Variants in IL17RC observed in about 807,000 individuals in gnomAD.
IL17RC encodes interleukin 17 receptor C.
Under a neutral mutation model 86.7 loss-of-function variants are expected in IL17RC, and 53 were observed. That is an observed-to-expected ratio of 0.61 (90% CI 0.49 to 0.77). IL17RC has a LOEUF of 0.77. Ranked by LOEUF, IL17RC falls within the 30% of genes least tolerant of loss-of-function variation. The pLI, the probability that IL17RC is intolerant of heterozygous loss-of-function variation, is 0.00. For missense variants in IL17RC, 957 were observed against 940.0 expected, an observed-to-expected ratio of 1.02 and a Z score of -0.24; for synonymous variants, 439 against 413.1, an observed-to-expected ratio of 1.06 and a Z score of -0.76.
intron 5 of IL17RC, among the ~76,000 whole-genome samples, chr3:9,918,829 C>T (rs2083316250): frequency 6.6e-6 from 1 of 152,054 alleles, no homozygotes; most frequent in South Asian, 2.1e-4. Flanking sequence ...TGGGCAAGTC[C>T]CTTCAGCCTG....
At chr3:9,929,728 C>A in intron 12 of IL17RC, 124 bp from the exon 13 acceptor site, 1 of 967,178 alleles carries the variant, frequency 1.0e-6, no homozygotes, top group Non-Finnish European at 1.7e-6. Flanking sequence ...TCCACATCTG[C>A]CTCAGGTCAG....
At chr3:9,920,814 G>T in intron 6 of IL17RC, 111 bp from the exon 7 acceptor site, 1 of 836,282 alleles carries the variant, frequency 1.2e-6, no homozygotes, top group East Asian at 2.6e-5. Context: ...GATGTGGGTG[G>T]TATGTAGGGG....
At chr3:9,927,374 A>G (rs900284499) in intron 9 of IL17RC, among the ~76,000 whole-genome samples, 1 of 150,076 alleles carries the variant, frequency 6.7e-6, no homozygotes, top group African/African-American at 2.5e-5. Context: ...CTGGCCTAAC[A>G]TAGTGAAACC....
intron 12 of IL17RC, 53 bp downstream of exon 12, chr3:9,928,683 C>CTTGG: frequency 6.3e-7 from 1 of 1,582,338 alleles, no homozygotes; most frequent in Non-Finnish European, 8.7e-7. Context: ...GGCAGACCCC[C>CTTGG]CAGCCAAGGG....
intron 9 of IL17RC, among the ~76,000 whole-genome samples, chr3:9,926,138 A>G (rs1165127076): frequency 6.8e-6 from 1 of 146,384 alleles, no homozygotes; most frequent in Non-Finnish European, 1.5e-5. Context: ...GGTTCAAGCC[A>G]TTCTCCTGCC....
In IL17RC at chr3:9,932,659, C is replaced by G; in HGVS notation, c.1439C>G (p.Ala480Gly). 6.2e-7 allele frequency: 1 copy of G among 1,614,252 alleles called. No homozygotes were observed. Among genetic ancestry groups the G allele is most frequent in the Middle Eastern group, 1.6e-4 (1 of 6,062 alleles). ...LVWLACLLFA[A>G]ALSLILLLKK... ...TGGCTGGCCTGCCTACTCTTTGCCG[C>G]TGCGCTTTCCCTCATCCTCCTTCTC... Residue 480 changes from alanine to glycine, a missense_variant, in exon 17 of 19, where the codon GCT becomes GGT. Coordinates refer to ENST00000403601, the MANE Select transcript of IL17RC (RefSeq NM_153460.4).
At chr3:9,917,821 C>A in intron 2 of IL17RC, 87 bp downstream of exon 2, 2 of 1,606,456 alleles carry the variant, frequency 1.2e-6, no homozygotes, top group Non-Finnish European at 1.7e-6. Flanking sequence ...ATGCCCACCT[C>A]AGCCTAGGAC....
intron 9 of IL17RC, 119 bp from the exon 10 acceptor site, chr3:9,928,047 A>T: frequency 1.1e-6 from 1 of 927,342 alleles, no homozygotes; most frequent in Non-Finnish European, 1.7e-6. Flanking sequence ...TGTAAAAGGC[A>T]GGAAGACCCA....
At position 9,930,108 on chromosome 3, in the gene IL17RC, G is replaced by GA; in HGVS notation, c.1239dup (p.Pro414ThrfsTer38). The GA allele has an allele frequency of 6.2e-7, 1 of 1,614,094 alleles. No individual in the cohort carries two copies. The highest frequency in any genetic ancestry group is 8.5e-7 in the Non-Finnish European group (1 of 1,180,008). On this transcript the variant is annotated frameshift_variant, in exon 14 of 19. Transcript: ENST00000403601. LOFTEE classifies it high-confidence loss of function. The surrounding 1 kb of genome is among the most constrained non-coding windows in gnomAD (Gnocchi z 5.8). ...GGACAACAGATCCCTCTGTGCCTTG[G>GA]AACCCAGTGGCTGTACTTCACTACC...
rs1238568949 is a variant in IL17RC at position 9,930,931 on chromosome 3, C to G, written c.1375C>G (p.Pro459Ala). The change falls in exon 16 of 19, where the codon CCC becomes GCC. Residue 459 changes from proline to alanine, a missense_variant. Transcript: ENST00000403601. The surrounding 1 kb of genome is among the most constrained non-coding windows in gnomAD (Gnocchi z 5.8). ...TGACTTGGGAGCGCTATGGGCCTGC[C>G]CCATGGACAAATGTGAGTATTGTAA... is the stretch of plus-strand genomic sequence containing the variant. ...DDDLGALWAC[P>A]MDKYIHKRWA... 1 of 1,613,894 alleles carries G rather than the reference C, an allele frequency of 6.2e-7. No individual in the cohort carries two copies. The highest frequency in any genetic ancestry group is 8.5e-7 in the Non-Finnish European group (1 of 1,179,824).
rs2084558164 is a variant in IL17RC, at chr3:9,930,559, C to T, written c.1338+100C>T. 8.2e-7 allele frequency: 1 copy of T among 1,225,500 alleles called. No homozygotes were observed. 75.9% of individuals were successfully genotyped at this position (1,225,500 alleles called of 1,614,324 possible). A position where few individuals can be genotyped will look rare whatever the true frequency, so the allele number is the denominator to read the frequency against. On this transcript the variant is annotated intron_variant, in intron 15 of 18. Transcript: ENST00000403601. The surrounding 1 kb of genome is among the most constrained non-coding windows in gnomAD (Gnocchi z 5.8). ...TATTTAGGCTTATTTTATGTTCAGC[C>T]CTGGGAAAGTTAAGAGTAGAAGAAG...
At chr3:9,926,916 A>G (rs900020762) in intron 9 of IL17RC, among the ~76,000 whole-genome samples, 5 of 151,984 alleles carry the variant, frequency 3.3e-5, no homozygotes, top group Admixed American at 6.6e-5. Context: ...CACCGCGCCC[A>G]GCCTTGTTTT....
At chr3:9,927,739 G>A (rs1028308496) in intron 9 of IL17RC, among the ~76,000 whole-genome samples, 2 of 152,050 alleles carry the variant, frequency 1.3e-5, no homozygotes, top group Non-Finnish European at 2.9e-5. Context: ...TCAGGAGTTC[G>A]AGACCAGCCT....
intron 16 of IL17RC, 88 bp from the exon 17 acceptor site, chr3:9,932,520 G>C (rs112921255): frequency 0.029 from 35,769 of 1,245,314 alleles, 1,323 homozygotes; most frequent in African/African-American, 0.17. Context: ...ATGAGCCACC[G>C]CACCCGGCCC....
chr3:9,920,711 C>A, intron 6 of IL17RC, 109 bp downstream of exon 6: 1 of 828,926 alleles, frequency 1.2e-6, no homozygotes, highest in Non-Finnish European at 2.0e-6. Flanking sequence ...GGGGTCTGAG[C>A]TGCTATCCTC....
intron 6 of IL17RC, 147 bp from the exon 7 acceptor site, chr3:9,920,778 G>C (rs1276395432): frequency 2.1e-5 from 16 of 771,464 alleles, no homozygotes; most frequent in Non-Finnish European, 3.5e-5. Context: ...TCCAGCCCCT[G>C]GGGAAGGTTC....
intron 6 of IL17RC, 98 bp from the exon 7 acceptor site, chr3:9,920,827 G>T: frequency 1.1e-6 from 1 of 915,994 alleles, no homozygotes; most frequent in East Asian, 2.5e-5. Flanking sequence ...TGTAGGGGAT[G>T]GGGAGCCATT....
chr3:9,931,470 C>CACACACACACACACACATAT (rs750351615), intron 16 of IL17RC, among the ~76,000 whole-genome samples: 5 of 43,744 alleles, frequency 1.1e-4, no homozygotes, highest in Admixed American at 2.9e-4. Context: ...CACACACACA[C>CACACACACACACACACATAT]ATATATATAT....
At chr3:9,921,847 G>A (rs1367881201) in intron 7 of IL17RC, among the ~76,000 whole-genome samples, 3 of 149,544 alleles carry the variant, frequency 2.0e-5, no homozygotes, top group Non-Finnish European at 4.4e-5. Flanking sequence ...GGATGGTCTT[G>A]ATCTCCTGAC....
Sources: allele counts gnomAD v4.1 joint callset (sites outside exome capture counted in the v4.1 genomes callset), GRCh38; gene constraint gnomAD v4.1.1; non-coding constraint Gnocchi (gnomAD v3.1); transcripts MANE v1.5; gene names NCBI Gene and HGNC (gene_info 2026-07-23, HGNC 2026-07-21).